SPRY3: variants seen among roughly 807,000 people sequenced by gnomAD.
SPRY3 encodes sprouty RTK signaling antagonist 3.
A neutral mutation model predicts 20.2 loss-of-function variants in SPRY3; 15 were observed. The ratio of observed to expected loss-of-function variants is 0.74; its 90% CI spans 0.50 to 1.14. The LOEUF (loss-of-function observed/expected upper bound fraction) is 1.14, where lower values mean the gene tolerates loss of function less well. Ranked by LOEUF, SPRY3 falls within the 50% of genes most tolerant of loss-of-function variation. The pLI is 0.00. For synonymous variants in SPRY3, 143 were observed against 136.5 expected, an observed-to-expected ratio of 1.05 and a Z score of -0.33; for missense variants, 364 against 363.9, an observed-to-expected ratio of 1.00 and a Z score of 0.00.
exon 3 of SPRY3, chrX:155,768,062 G>C (rs763409903): frequency 6.6e-6 from 1 of 152,326 alleles, no homozygotes; most frequent in East Asian, 1.9e-4. Flanking sequence ...AAAGACTGAG[G>C]AGAAGAGATC....
At chrX:155,651,404 C>G (rs782553154) in intron 1 of SPRY3, among the ~76,000 whole-genome samples, 22 of 111,825 alleles carry the variant, frequency 2.0e-4, no homozygotes, top group Non-Finnish European at 3.8e-4. Flanking sequence ...ATAGGGGTAT[C>G]TCATTGTGCT....
At chrX:155,775,638 G>A (rs770310203) in exon 4 of SPRY3, 1 of 167,226 alleles carries the variant, frequency 6.0e-6, no homozygotes, top group African/African-American at 2.4e-5. Context: ...GGTTTAACTA[G>A]TTGGAGTTTT....
At chrX:155,730,304 C>T (rs2091124673) in intron 2 of SPRY3, among the ~76,000 whole-genome samples, 1 of 151,994 alleles carries the variant, frequency 6.6e-6, no homozygotes, top group Non-Finnish European at 1.5e-5. Flanking sequence ...ACTAGCAAAC[C>T]GAGTTGCACA....
chrX:155,665,926 C>G (rs1172024556), intron 2 of SPRY3, among the ~76,000 whole-genome samples: 1 of 112,044 alleles, frequency 8.9e-6, no homozygotes, highest in African/African-American at 3.2e-5. Context: ...TTCATAATTA[C>G]AATTTTAAAA....
chrX:155,774,413 T>A, exon 4 of SPRY3: 1 of 1,613,998 alleles, frequency 6.2e-7, no homozygotes, highest in Non-Finnish European at 8.5e-7. Context: ...GCTGAGAGCC[T>A]CCTCGATTAT....
intron 2 of SPRY3, among the ~76,000 whole-genome samples, chrX:155,745,076 C>T (rs893482563): frequency 1.3e-5 from 2 of 151,994 alleles, no homozygotes; most frequent in African/African-American, 4.8e-5. Flanking sequence ...TTCAAATGTT[C>T]CTTAGGGAGA....
chrX:155,745,010 C>T (rs1322116914), intron 2 of SPRY3, among the ~76,000 whole-genome samples: 5 of 152,048 alleles, frequency 3.3e-5, no homozygotes, highest in Admixed American at 6.6e-5. Flanking sequence ...AATATCTGAA[C>T]TCATGTCTAA....
chrX:155,767,719 A>AC (rs1569399955), intron 2 of SPRY3: 1 of 83,114 alleles, frequency 1.2e-5, no homozygotes, highest in Non-Finnish European at 2.2e-5. Context: ...GGAGGAGGAG[A>AC]AAGAGGAGGA....
intron 2 of SPRY3, among the ~76,000 whole-genome samples, chrX:155,674,776 C>T (rs782806128): frequency 1.2e-4 from 13 of 110,583 alleles, no homozygotes; most frequent in Non-Finnish European, 2.1e-4. Context: ...AAAGATTTTT[C>T]CATTGATCAT....
At chrX:155,707,394 A>G (rs1439648338) in intron 2 of SPRY3, among the ~76,000 whole-genome samples, 1 of 151,272 alleles carries the variant, frequency 6.6e-6, no homozygotes, top group Non-Finnish European at 1.5e-5. Context: ...TTTGTGGCCT[A>G]TTATATGGTC....
intron 2 of SPRY3, among the ~76,000 whole-genome samples, chrX:155,750,969 G>A (rs185175147): frequency 9.5e-4 from 144 of 151,960 alleles, no homozygotes; most frequent in Middle Eastern, 3.4e-3. Context: ...AATGGTATAT[G>A]CTTGGAAGTG....
intron 2 of SPRY3, among the ~76,000 whole-genome samples, chrX:155,696,089 T>C (rs761957641): frequency 1.4e-4 from 16 of 110,728 alleles, no homozygotes; most frequent in African/African-American, 2.3e-4. Context: ...TGAATGCTGA[T>C]GTTTTGTTGT....
exon 4 of SPRY3, chrX:155,775,909 A>G (rs984257937): frequency 2.4e-5 from 4 of 167,122 alleles, no homozygotes; most frequent in African/African-American, 7.2e-5. Context: ...AATCTTAACT[A>G]TTAATCTAGT....
intron 2 of SPRY3, among the ~76,000 whole-genome samples, chrX:155,707,078 A>G (rs1569381218): frequency 6.6e-6 from 1 of 150,916 alleles, no homozygotes; most frequent in East Asian, 1.9e-4. Flanking sequence ...TGAAGGTGGA[A>G]GTTTAGATTA....
chrX:155,727,340 A>G (rs1158426827), intron 2 of SPRY3, among the ~76,000 whole-genome samples: 1 of 152,034 alleles, frequency 6.6e-6, no homozygotes, highest in Non-Finnish European at 1.5e-5. Flanking sequence ...CTGAATTTGA[A>G]TGTTGGCCTG....
chrX:155,754,158 A>G (rs1436373592), intron 2 of SPRY3, among the ~76,000 whole-genome samples: 3 of 152,020 alleles, frequency 2.0e-5, no homozygotes, highest in East Asian at 1.9e-4. Flanking sequence ...TAGGAATACT[A>G]TGCCTAATCC....
chrX:155,680,214 G>GAGAGA lies in SPRY3; in HGVS notation c.-282+23203_-282+23207dup, dbSNP rs1427923713. ...TGTTTGAGGGAGAGAGAGAGAGAGAGAGAGAAGAGAAGAGAAGAAGTCAAA... is the reference window on the plus strand; with the variant it reads ...TGTTTGAGGGAGAGAGAGAGAGAGAGAGAGAAGAGAAGAGAAGAGAAGAAGTCAAA... On this transcript the variant is annotated intron_variant, in intron 2 of 3. Transcript: ENST00000675360. Among the ~76,000 whole-genome samples the GAGAGA allele has an allele frequency of 1.4e-4, 15 of 103,672 alleles. No individual in the cohort carries two copies. The East Asian group carries it at 3.6e-3, about 25-fold the overall frequency. 90.0% of individuals were successfully genotyped at this position (103,672 alleles called of 115,157 possible).
At chrX:155,673,217 T>TA (rs1321935023) in intron 2 of SPRY3, among the ~76,000 whole-genome samples, 4 of 102,907 alleles carry the variant, frequency 3.9e-5, no homozygotes, top group Non-Finnish European at 6.0e-5. Context: ...AGTAAAATAA[T>TA]AAAAAAAATT....
intron 1 of SPRY3, among the ~76,000 whole-genome samples, chrX:155,646,139 C>G (rs2067957142): frequency 8.9e-6 from 1 of 112,031 alleles, no homozygotes; most frequent in Non-Finnish European, 1.9e-5. Context: ...GCTTCTTATC[C>G]TGTTGCATTG....
Sources: gnomAD v4.1 joint callset for allele counts (sites outside exome capture counted in the v4.1 genomes callset) on GRCh38, gnomAD v4.1.1 for gene constraint, MANE v1.5 for transcripts, NCBI Gene and HGNC (gene_info 2026-07-23, HGNC 2026-07-21) for gene names.